Variants in IDE observed in about 807,000 individuals in gnomAD.
IDE encodes the protein insulin degrading enzyme.
A neutral mutation model predicts 133.2 loss-of-function variants in IDE; 58 were observed. The ratio of observed to expected loss-of-function variants is 0.44; its 90% confidence interval spans 0.35 to 0.54. The LOEUF (loss-of-function observed/expected upper bound fraction) is 0.54, where lower values mean the gene tolerates loss of function less well. IDE is among the 20% of genes least tolerant of loss of function. The pLI, the probability that IDE is intolerant of heterozygous loss-of-function variation, is 0.00. For missense variants in IDE, 981 were observed against 1,234.0 expected, an observed-to-expected ratio of 0.79 and a Z score of 3.07; for synonymous variants, 396 against 421.3, an observed-to-expected ratio of 0.94 and a Z score of 0.73.
intron 22 of IDE, among the ~76,000 whole-genome samples, chr10:92,457,520 C>T (rs779896726): frequency 3.3e-5 from 5 of 152,020 alleles, no homozygotes; most frequent in African/African-American, 1.2e-4. Context: ...TAGTTACTAC[C>T]ATGAATGCCA....
At chr10:92,467,468 T>C (rs745580982) in intron 19 of IDE, among the ~76,000 whole-genome samples, 1 of 152,204 alleles carries the variant, frequency 6.6e-6, no homozygotes, top group Non-Finnish European at 1.5e-5. Context: ...TAATTCAGCA[T>C]GATTTCCTAC....
intron 4 of IDE, among the ~76,000 whole-genome samples, chr10:92,515,643 C>T (rs1459788499): frequency 2.1e-5 from 3 of 139,854 alleles, no homozygotes; most frequent in Non-Finnish European, 3.1e-5. Flanking sequence ...CTCACCCCAA[C>T]CTCCGCCTCC....
intron 4 of IDE, among the ~76,000 whole-genome samples, chr10:92,529,933 C>T (rs1218398843): frequency 2.6e-5 from 4 of 152,048 alleles, no homozygotes; most frequent in African/African-American, 4.8e-5. Flanking sequence ...AAAAGGACTA[C>T]TTTAAATAAT....
chr10:92,475,090 GA>G (rs1441077210), intron 16 of IDE, 129 bp from the exon 17 acceptor site: 22 of 677,004 alleles, frequency 3.2e-5, no homozygotes, highest in Non-Finnish European at 5.1e-5. Flanking sequence ...TCCCCTTTCT[GA>G]AGTTATATAA....
intron 9 of IDE, 33 bp from the exon 10 acceptor site, chr10:92,506,555 C>A (rs766740231): frequency 9.4e-7 from 1 of 1,060,254 alleles, no homozygotes; most frequent in Non-Finnish European, 1.4e-6. Flanking sequence ...TTAGATACGG[C>A]CACCCTTATT....
intron 13 of IDE, among the ~76,000 whole-genome samples, chr10:92,486,437 T>C (rs891310421): frequency 1.3e-5 from 2 of 152,178 alleles, no homozygotes; most frequent in South Asian, 2.1e-4. Context: ...TAAACACTAA[T>C]TGTTATCTCA....
intron 10 of IDE, among the ~76,000 whole-genome samples, chr10:92,505,614 A>G (rs533980926): frequency 6.6e-6 from 1 of 152,330 alleles, no homozygotes; most frequent in East Asian, 1.9e-4. Context: ...TTGTAATGTT[A>G]GTGAGAGATG....
intron 1 of IDE, among the ~76,000 whole-genome samples, chr10:92,560,282 G>T (rs1053944781): frequency 6.6e-6 from 1 of 152,196 alleles, no homozygotes; most frequent in East Asian, 1.9e-4. Context: ...TTCTGGGAAC[G>T]GTGTCTTCCC....
At chr10:92,532,397 A>T (rs1246077988) in intron 3 of IDE, among the ~76,000 whole-genome samples, 1 of 152,196 alleles carries the variant, frequency 6.6e-6, no homozygotes, top group Admixed American at 6.5e-5. Flanking sequence ...CCTACTTTTA[A>T]CAGGCTCAAT....
chr10:92,490,420 T>C (rs1214683987), intron 12 of IDE, 73 bp downstream of exon 12: 3 of 908,250 alleles, frequency 3.3e-6, no homozygotes, highest in East Asian at 2.4e-5. Flanking sequence ...GGGGCCTTAG[T>C]TGGTGGATCT....
intron 5 of IDE, among the ~76,000 whole-genome samples, chr10:92,510,828 G>T (rs184703902): frequency 2.7e-4 from 40 of 147,214 alleles, no homozygotes; most frequent in Middle Eastern, 3.6e-3. Flanking sequence ...ATGATATATA[G>T]CACATACATA....
At chr10:92,548,178 C>T (rs1842611376) in intron 1 of IDE, among the ~76,000 whole-genome samples, 1 of 151,712 alleles carries the variant, frequency 6.6e-6, no homozygotes, top group African/African-American at 2.4e-5. Context: ...TGACCAACGT[C>T]GAGAAACTCC....
At chr10:92,475,760 C>T (rs1846220896) in intron 16 of IDE, 124 bp downstream of exon 16, 3 of 520,732 alleles carry the variant, frequency 5.8e-6, no homozygotes, top group Non-Finnish European at 6.7e-6. Context: ...GAGATGAATG[C>T]CACAGGGTTA....
At chr10:92,559,397 A>C (rs1843169930) in intron 1 of IDE, among the ~76,000 whole-genome samples, 1 of 152,246 alleles carries the variant, frequency 6.6e-6, no homozygotes, top group African/African-American at 2.4e-5. Flanking sequence ...TGAATGGATA[A>C]ATACAATCTG....
intron 1 of IDE, among the ~76,000 whole-genome samples, chr10:92,552,434 A>G (rs1450868742): frequency 1.3e-5 from 2 of 152,232 alleles, no homozygotes; most frequent in African/African-American, 2.4e-5. Context: ...TTTATTATAT[A>G]CAAAAAGACA....
chr10:92,494,357 C>CA (rs1194504468), intron 11 of IDE, among the ~76,000 whole-genome samples: 1 of 151,156 alleles, frequency 6.6e-6, no homozygotes, highest in Non-Finnish European at 1.5e-5. Context: ...CATGAGCTAC[C>CA]ATGCCCAGCC....
intron 4 of IDE, among the ~76,000 whole-genome samples, chr10:92,521,132 C>A (rs1213327466): frequency 6.6e-6 from 1 of 152,106 alleles, no homozygotes; most frequent in Admixed American, 6.6e-5. Context: ...GATTTTACAG[C>A]AGTACTCAAG....
chr10:92,573,208 G>A lies in IDE; in HGVS notation c.98+714C>T, dbSNP rs891505908. 7 of 984,352 alleles carry A rather than the reference G, an allele frequency of 7.1e-6. No homozygotes were observed. In the East Asian group the frequency reaches 5.7e-4, roughly 80 times the overall value. 61.0% of individuals were successfully genotyped at this position (984,352 alleles called of 1,614,324 possible). A position where few individuals can be genotyped will look rare whatever the true frequency, so the allele number is the denominator to read the frequency against. On this transcript the variant is annotated intron_variant, in intron 1 of 24. Coordinates refer to ENST00000265986, the MANE Select transcript of IDE (RefSeq NM_004969.4). The stretch of plus-strand genomic sequence containing the variant: ...CAGTGGAGAGGGCACGCCGCCGGAT[G>A]GCAAAAAACCTGTGTCCTAATCCTG...
chr10:92,481,535 C>T (rs1190666138), intron 14 of IDE, among the ~76,000 whole-genome samples: 1 of 152,182 alleles, frequency 6.6e-6, no homozygotes, highest in African/African-American at 2.4e-5. Context: ...AACTGGGATA[C>T]CTAAATTCTG....
Sources: gnomAD v4.1 joint callset for allele counts (sites outside exome capture counted in the v4.1 genomes callset) on GRCh38, gnomAD v4.1.1 for gene constraint, MANE v1.5 for transcripts, NCBI Gene and HGNC (gene_info 2026-07-23, HGNC 2026-07-21) for gene names.